LPAR5: variants seen among roughly 807,000 people sequenced by gnomAD.
LPAR5 encodes the protein G protein-coupled receptor 92.
For synonymous variants in LPAR5, 271 were observed against 261.6 expected (o/e 1.04, Z -0.35); for missense variants, 544 against 521.8 (o/e 1.04, Z -0.41).
chr12:6,630,103 C>G (rs909644527), intron 1 of LPAR5, among the ~76,000 whole-genome samples: 1 of 151,936 alleles, frequency 6.6e-6, no homozygotes, highest in South Asian at 2.1e-4. Flanking sequence ...TCTTGTTACT[C>G]TATTCCAAAG....
intron 1 of LPAR5, among the ~76,000 whole-genome samples, chr12:6,629,504 C>G (rs1365866082): frequency 6.6e-6 from 1 of 150,472 alleles, no homozygotes; most frequent in Non-Finnish European, 1.5e-5. Flanking sequence ...GAAAGCCCAT[C>G]TCTACTAAAA....
In LPAR5 at chr12:6,619,889, A is replaced by G. The variant is rs1948872348; in HGVS notation, c.*241T>C. The G allele has an allele frequency of 2.9e-6, 2 of 698,364 alleles. No individual in the cohort carries two copies. Among genetic ancestry groups the G allele is most frequent in the Non-Finnish European group, 5.2e-6 (2 of 385,764 alleles). 43.3% of individuals were successfully genotyped at this position (698,364 alleles called of 1,614,324 possible). A position where few individuals can be genotyped will look rare whatever the true frequency, so the allele number is the denominator to read the frequency against. On this transcript the variant is annotated 3_prime_UTR_variant, in exon 2 of 2. Transcript: ENST00000329858. ...CCCTCTGCACGGGTGGGCTCTCTGC[A>G]TCACTTCCCACCGCTGGAGAAGGGG... is the stretch of plus-strand genomic sequence containing the variant.
chr12:6,634,624 C>A (rs1406087047), intron 1 of LPAR5, among the ~76,000 whole-genome samples: 1 of 78,802 alleles, frequency 1.3e-5, no homozygotes, highest in Non-Finnish European at 2.4e-5. Context: ...CAGAGCGAGA[C>A]CCCATCTCAA....
intron 1 of LPAR5, among the ~76,000 whole-genome samples, chr12:6,626,546 A>T (rs1479629385): frequency 1.3e-5 from 2 of 152,270 alleles, no homozygotes; most frequent in South Asian, 4.1e-4. Flanking sequence ...AGTCTCAACA[A>T]TGAAAATAAT....
At chr12:6,625,659 T>C (rs1948933633) in intron 1 of LPAR5, among the ~76,000 whole-genome samples, 1 of 149,956 alleles carries the variant, frequency 6.7e-6, no homozygotes, top group African/African-American at 2.5e-5. Context: ...GGAGGCAGAA[T>C]TTGCACTGAG....
intron 1 of LPAR5, among the ~76,000 whole-genome samples, chr12:6,628,266 C>A (rs1283778103): frequency 1.3e-5 from 2 of 152,060 alleles, no homozygotes; most frequent in East Asian, 3.9e-4. Context: ...CGTGATCTGC[C>A]CGCCTTGGCC....
chr12:6,632,743 A>T (rs1424699557), intron 1 of LPAR5, among the ~76,000 whole-genome samples: 1 of 152,172 alleles, frequency 6.6e-6, no homozygotes, highest in Non-Finnish European at 1.5e-5. Context: ...AGGGGCAGGG[A>T]TGAGATGGAA....
At chr12:6,624,839 C>T (rs546242645) in intron 1 of LPAR5, among the ~76,000 whole-genome samples, 10 of 152,158 alleles carry the variant, frequency 6.6e-5, no homozygotes, top group South Asian at 2.1e-4. Flanking sequence ...AGGCTGGTCT[C>T]GATCTCCTGA....
chr12:6,627,055 A>G (rs1368269048), intron 1 of LPAR5, among the ~76,000 whole-genome samples: 1 of 152,246 alleles, frequency 6.6e-6, no homozygotes, highest in Non-Finnish European at 1.5e-5. Context: ...TATACATAAT[A>G]TCTAACATAG....
Position 6,621,031 on chromosome 12 carries a change from A to G in LPAR5, c.218T>C (p.Leu73Pro). 1.2e-6 allele frequency: 2 copies of G among 1,610,370 alleles called. No homozygotes were observed. Among genetic ancestry groups the G allele is most frequent in the Non-Finnish European group, 1.7e-6 (2 of 1,177,898 alleles). The change falls in exon 2 of 2, where the codon CTC becomes CCC. Residue 73 changes from leucine (L) to proline (P), a missense_variant. Leu to Pro is a moderately conservative substitution (Grantham distance 98). Transcript: ENST00000329858. ...NLAASDLLFT[L>P]SLPVRLSYYA... ...GTAGGAGAGACGAACGGGCAGCGAGAGGGTGAAGAGCAGGTCGCTGGCCGC... is the reference window on the plus strand; with the variant it reads ...GTAGGAGAGACGAACGGGCAGCGAGGGGGTGAAGAGCAGGTCGCTGGCCGC...
Position 6,629,566 on chromosome 12 carries a change from C to T in LPAR5, c.-217+6341G>A, listed in dbSNP as rs538177919. Among the ~76,000 whole-genome samples, 3 of 149,972 alleles carry T rather than the reference C, an allele frequency of 2.0e-5. No homozygotes were observed. The South Asian group carries it at 6.3e-4, about 32-fold the overall frequency. ...GCACCTGCCTGTAATCCCAGCTACT[C>T]GGGAGGCTGAGGCAGGAGAATCGCT... On this transcript the variant is annotated intron_variant, in intron 1 of 1. Transcript: ENST00000329858.
intron 1 of LPAR5, among the ~76,000 whole-genome samples, chr12:6,624,697 C>T (rs1315655629): frequency 1.3e-5 from 2 of 152,132 alleles, no homozygotes; most frequent in Non-Finnish European, 1.5e-5. Flanking sequence ...CTCGGCTCAC[C>T]GCAACCTCTG....
At chr12:6,632,717 G>A (rs995640483) in intron 1 of LPAR5, among the ~76,000 whole-genome samples, 4 of 152,188 alleles carry the variant, frequency 2.6e-5, no homozygotes, top group African/African-American at 7.2e-5. Flanking sequence ...CTTTTCTTCC[G>A]CTTATCCTGG....
At chr12:6,635,676 A>G (rs1445792456) in intron 1 of LPAR5, among the ~76,000 whole-genome samples, 1 of 152,160 alleles carries the variant, frequency 6.6e-6, no homozygotes, top group Non-Finnish European at 1.5e-5. Flanking sequence ...GGCTTCAAGC[A>G]TCAAAGAGGA....
Position 6,620,885 on chromosome 12 carries a change from C to T in LPAR5, c.364G>A (p.Ala122Thr), listed in dbSNP as rs2136239758. ...CGCAGTCGCAGCGGGTGCACGATGGCGGCGTAGCGGTCCACGTTGATGAGC... is the reference window on the plus strand; with the variant it reads ...CGCAGTCGCAGCGGGTGCACGATGGTGGCGTAGCGGTCCACGTTGATGAGC... The part of the protein sequence containing the change: ...LMLINVDRYA[A>T]IVHPLRLRHL... Residue 122 changes from alanine to threonine, a missense_variant, in exon 2 of 2, where the codon GCC (alanine) becomes ACC (threonine). Physicochemically the swap from Ala to Thr is moderately conservative, Grantham distance 58. Coordinates refer to ENST00000329858, the MANE Select transcript of LPAR5 (RefSeq NM_020400.6). The surrounding 1 kb of genome is among the most constrained non-coding windows in gnomAD (Gnocchi z 6.8). The T allele has an allele frequency of 6.3e-7, 1 of 1,575,930 alleles. No individual in the cohort carries two copies. Among genetic ancestry groups the T allele is most frequent in the Non-Finnish European group, 8.6e-7 (1 of 1,161,264 alleles).
At chr12:6,622,261 TAA>T (rs756916910) in intron 1 of LPAR5, among the ~76,000 whole-genome samples, 12 of 148,062 alleles carry the variant, frequency 8.1e-5, no homozygotes, top group Non-Finnish European at 1.6e-4. Flanking sequence ...CCATCTCTAC[TAA>T]AAAAAATACC....
intron 1 of LPAR5, among the ~76,000 whole-genome samples, chr12:6,625,194 G>A (rs1037800518): frequency 2.0e-5 from 3 of 152,070 alleles, no homozygotes; most frequent in Non-Finnish European, 2.9e-5. Flanking sequence ...GGGAGGCCGA[G>A]GCAGGCGGAT....
chr12:6,634,037 C>T (rs576287329), intron 1 of LPAR5, among the ~76,000 whole-genome samples: 3 of 151,598 alleles, frequency 2.0e-5, no homozygotes, highest in Admixed American at 1.3e-4. Flanking sequence ...GATAGAGTCT[C>T]GCTCTGTTGC....
intron 1 of LPAR5, among the ~76,000 whole-genome samples, chr12:6,627,865 C>T (rs1383131721): frequency 2.2e-5 from 3 of 137,240 alleles, no homozygotes; most frequent in Non-Finnish European, 3.1e-5. Context: ...ACGCTCTAAT[C>T]CTGTGATAAT....
Sources: gnomAD v4.1 joint callset for allele counts (sites outside exome capture counted in the v4.1 genomes callset) on GRCh38, gnomAD v4.1.1 for gene constraint, Gnocchi (gnomAD v3.1) non-coding constraint, MANE v1.5 for transcripts, NCBI Gene and HGNC (gene_info 2026-07-23, HGNC 2026-07-21) for gene names.